FER: variants seen among roughly 807,000 people sequenced by gnomAD.
FER encodes FER tyrosine kinase, also known as tyrosine-protein kinase Fer.
Under a neutral mutation model 111.0 loss-of-function variants are expected in FER, and 63 were observed. That is an observed-to-expected ratio of 0.57 (90% CI 0.46 to 0.70). The LOEUF (loss-of-function observed/expected upper bound fraction) is 0.70, where lower values mean the gene tolerates loss of function less well. Ranked by LOEUF, FER falls within the 30% of genes least tolerant of loss-of-function variation. The probability of loss-of-function intolerance (pLI) is 0.00; values close to 1 mark genes in which losing one functional copy is unlikely to be tolerated. For missense variants in FER, 914 were observed against 954.0 expected, an observed-to-expected ratio of 0.96 and a Z score of 0.55; for synonymous variants, 327 against 313.9, an observed-to-expected ratio of 1.04 and a Z score of -0.44.
chr5:108,924,859 C>A, intron 10 of FER: 1 of 1,139,954 alleles, frequency 8.8e-7, no homozygotes, highest in South Asian at 4.5e-5. Context: ...TCCAGCAGGT[C>A]ATCTATTTTA....
At chr5:108,898,716 T>C (rs1256313853) in intron 10 of FER, among the ~76,000 whole-genome samples, 1 of 151,344 alleles carries the variant, frequency 6.6e-6, no homozygotes, top group African/African-American at 2.4e-5. Context: ...TTCTATTATC[T>C]ACCTATTGAT....
chr5:108,872,156 T>A lies in FER; in HGVS notation c.867T>A (p.Asn289Lys). 2 of 1,611,584 alleles carry A rather than the reference T, an allele frequency of 1.2e-6. No homozygotes were observed. Among genetic ancestry groups the A allele is most frequent in the Non-Finnish European group, 1.7e-6 (2 of 1,178,818 alleles). Residue 289 changes from asparagine (N) to lysine (K), a missense_variant, in exon 8 of 20, where the codon AAT becomes AAA. Physicochemically the swap from Asn to Lys is moderately conservative, Grantham distance 94. Coordinates refer to ENST00000281092, the MANE Select transcript of FER (RefSeq NM_005246.4). ...CTTCCTTACTGGAAGAAAATGAAAA[T>A]CTTCAGGCAAATGAGATCATGTGGA... ...FDTSLLEENE[N>K]LQANEIMWNN...
chr5:109,035,938 T>A (rs1770330865), intron 13 of FER, among the ~76,000 whole-genome samples: 1 of 152,186 alleles, frequency 6.6e-6, no homozygotes, highest in Non-Finnish European at 1.5e-5. Context: ...TCTGATGTTC[T>A]TACTGGCTAT....
chr5:108,774,997 G>C (rs1186531009), intron 2 of FER, among the ~76,000 whole-genome samples: 1 of 152,048 alleles, frequency 6.6e-6, no homozygotes, highest in East Asian at 1.9e-4. Flanking sequence ...TTTTGTCTAG[G>C]TTTTCTTCTA....
At chr5:108,750,783 A>G (rs1258816895) in intron 1 of FER, among the ~76,000 whole-genome samples, 2 of 152,368 alleles carry the variant, frequency 1.3e-5, no homozygotes, top group South Asian at 2.1e-4. Flanking sequence ...ATTTCAAACA[A>G]TGCAGAAGAG....
At chr5:109,018,827 G>T (rs565923115) in intron 13 of FER, among the ~76,000 whole-genome samples, 2 of 151,510 alleles carry the variant, frequency 1.3e-5, no homozygotes, top group Admixed American at 6.6e-5. Flanking sequence ...CACCCACATC[G>T]TTTTCTGGAT....
chr5:109,065,396 G>T (rs1774959077), intron 16 of FER, among the ~76,000 whole-genome samples: 2 of 152,160 alleles, frequency 1.3e-5, no homozygotes, highest in African/African-American at 4.8e-5. Context: ...TAAAAGCCAT[G>T]ATCTGGTCAG....
At position 108,959,239 on chromosome 5, in the gene FER, C is replaced by T. The variant is rs761864661; in HGVS notation, c.1548C>T (p.Phe516=). The stretch of plus-strand genomic sequence containing the variant: ...TCTCTCTCCAGAACATGTATCGATT[C>T]GAGGGCACTGGGTTTTCAAACATTC... ...IIQYVDNMYR[F]EGTGFSNIPQ... Residue 516 remains phenylalanine, a synonymous_variant, in exon 13 of 20, where the codon TTC becomes TTT. Transcript: ENST00000281092. The T allele has an allele frequency of 1.4e-5, 22 of 1,611,202 alleles. No individual in the cohort carries two copies. The highest frequency in any genetic ancestry group is 6.7e-5 in the East Asian group (3 of 44,686).
intron 17 of FER, among the ~76,000 whole-genome samples, chr5:109,123,933 A>G (rs919475732): frequency 1.1e-4 from 16 of 152,200 alleles, no homozygotes; most frequent in Non-Finnish European, 7.4e-5. Context: ...TAGATAATGC[A>G]AGAAATATTA....
intron 17 of FER, among the ~76,000 whole-genome samples, chr5:109,177,276 C>G (rs1031146507): frequency 9.9e-5 from 15 of 151,900 alleles, no homozygotes; most frequent in African/African-American, 3.4e-4. Flanking sequence ...TCATTTAATC[C>G]TCACTCCCTG....
chr5:108,971,047 C>A (rs73778344), intron 13 of FER, among the ~76,000 whole-genome samples: 19,417 of 151,792 alleles, frequency 0.13, 1,703 homozygotes, highest in African/African-American at 0.25. Flanking sequence ...GAAACTATTC[C>A]GATTTTTAAT....
At chr5:108,868,987 T>C (rs1764344771) in intron 6 of FER, among the ~76,000 whole-genome samples, 2 of 152,088 alleles carry the variant, frequency 1.3e-5, no homozygotes, top group South Asian at 4.1e-4. Flanking sequence ...TTTTTTTGTG[T>C]GAACATTTTT....
chr5:108,896,302 T>A (rs1297011212), intron 9 of FER, among the ~76,000 whole-genome samples: 2 of 152,192 alleles, frequency 1.3e-5, no homozygotes, highest in African/African-American at 4.8e-5. Flanking sequence ...AAATCAACTT[T>A]CTTTCAAGAG....
intron 17 of FER, among the ~76,000 whole-genome samples, chr5:109,162,304 GAC>G (rs1756077390): frequency 6.6e-6 from 1 of 152,000 alleles, no homozygotes; most frequent in African/African-American, 2.4e-5. Context: ...AATCCCATAA[GAC>G]AGTCATATCA....
intron 17 of FER, among the ~76,000 whole-genome samples, chr5:109,114,839 C>T (rs144732298): frequency 1.3e-5 from 2 of 152,208 alleles, no homozygotes; most frequent in East Asian, 3.9e-4. Context: ...CACTCCCCCT[C>T]TCATCAGCTT....
At chr5:108,896,068 T>C (rs1002972817) in intron 9 of FER, among the ~76,000 whole-genome samples, 2 of 152,196 alleles carry the variant, frequency 1.3e-5, no homozygotes, top group South Asian at 4.1e-4. Flanking sequence ...TTCACCTTTT[T>C]GTGACTGATA....
intron 17 of FER, among the ~76,000 whole-genome samples, chr5:109,150,240 A>G (rs1184482998): frequency 6.6e-6 from 1 of 152,116 alleles, no homozygotes; most frequent in Non-Finnish European, 1.5e-5. Context: ...CTATCTGATC[A>G]GCTGGCTCTC....
intron 17 of FER, among the ~76,000 whole-genome samples, chr5:109,126,067 C>G (rs1167747242): frequency 2.0e-5 from 3 of 151,988 alleles, no homozygotes; most frequent in Non-Finnish European, 4.4e-5. Flanking sequence ...ACCATACTTT[C>G]TGTCAGACTC....
At chr5:108,754,671 G>C (rs910989264) in intron 1 of FER, among the ~76,000 whole-genome samples, 1 of 152,130 alleles carries the variant, frequency 6.6e-6, no homozygotes, top group African/African-American at 2.4e-5. Flanking sequence ...ACCTCAGTCT[G>C]TATTGTGACT....
Sources: gnomAD v4.1 joint callset for allele counts (sites outside exome capture counted in the v4.1 genomes callset) on GRCh38, gnomAD v4.1.1 for gene constraint, MANE v1.5 for transcripts, NCBI Gene and HGNC (gene_info 2026-07-23, HGNC 2026-07-21) for gene names.